The following SPAG5 variants were observed in gnomAD, a reference collection of about 807,000 sequenced individuals.
The protein encoded by SPAG5 is sperm-associated antigen 5.
Under a neutral mutation model 145.4 loss-of-function variants are expected in SPAG5, and 99 were observed. That is an observed-to-expected ratio of 0.68 (90% CI 0.58 to 0.80). The LOEUF is 0.80. Ranked by LOEUF, SPAG5 falls within the 30% of genes least tolerant of loss-of-function variation. SPAG5 has a pLI of 0.00. For missense variants in SPAG5, 1,192 were observed against 1,416.0 expected, an observed-to-expected ratio of 0.84 and a Z score of 2.54; for synonymous variants, 477 against 525.4, an observed-to-expected ratio of 0.91 and a Z score of 1.26.
intron 4 of SPAG5, among the ~76,000 whole-genome samples, chr17:28,591,358 C>T (rs1196855081): frequency 6.6e-6 from 1 of 152,216 alleles, no homozygotes; most frequent in African/African-American, 2.4e-5. Flanking sequence ...CAGCCTTAGC[C>T]TCCTGGGCTC....
chr17:28,590,649 T>A (rs1326818791), intron 4 of SPAG5, among the ~76,000 whole-genome samples: 1 of 151,698 alleles, frequency 6.6e-6, no homozygotes, highest in Non-Finnish European at 1.5e-5. Context: ...GGCAGGTGGA[T>A]CATGAGGGCA....
rs765695657 is a variant in SPAG5, at chr17:28,591,750, G to C, written c.1385C>G (p.Pro462Arg). The C allele has an allele frequency of 3.7e-6, 6 of 1,614,180 alleles. No homozygotes were observed. In the South Asian group the frequency reaches 6.6e-5, roughly 18 times the overall value. The change falls in exon 4 of 24, where the codon CCT (proline) becomes CGT (arginine). Residue 462 changes from proline (P) to arginine (R), a missense_variant. Coordinates refer to ENST00000321765, the MANE Select transcript of SPAG5 (RefSeq NM_006461.4). ...LRDWKSQLAV[P>R]HPETQDSSTQ... The stretch of plus-strand genomic sequence containing the variant: ...GCTACTGTCCTGGGTTTCTGGGTGA[G>C]GGACAGCCAGCTGGCTCTTCCAGTC...
rs746620718 is a variant in SPAG5, at chr17:28,578,457, C to T, written c.3270G>A (p.Gln1090=). The T allele has an allele frequency of 6.2e-7, 1 of 1,613,882 alleles. No homozygotes were observed. Among genetic ancestry groups the T allele is most frequent in the Non-Finnish European group, 8.5e-7 (1 of 1,180,016 alleles). ...AGTCCAGCTGGCCTGCCAGGGCCTC[C>T]TGGAGCACTTTGGTCTCTGTCTCCG... ...RRAETETKVL[Q]EALAGQLDSN... Residue 1090 remains glutamine, a synonymous_variant, in exon 21 of 24, where the codon CAG becomes CAA. Coordinates refer to ENST00000321765, the MANE Select transcript of SPAG5 (RefSeq NM_006461.4).
At chr17:28,598,756 C>A in intron 1 of SPAG5, 121 bp from the exon 2 acceptor site, 1 of 1,516,838 alleles carries the variant, frequency 6.6e-7, no homozygotes. Context: ...ACCCTAGTCG[C>A]GCAGGAGCAG....
intron 2 of SPAG5, 80 bp from the exon 3 acceptor site, chr17:28,593,146 C>A: frequency 6.6e-7 from 1 of 1,506,424 alleles, no homozygotes; most frequent in Non-Finnish European, 8.9e-7. Flanking sequence ...AGATAGTGCA[C>A]TCAAAAAAGA....
chr17:28,594,834 C>T (rs1278164346), intron 2 of SPAG5, among the ~76,000 whole-genome samples: 1 of 152,086 alleles, frequency 6.6e-6, no homozygotes, highest in Non-Finnish European at 1.5e-5. Flanking sequence ...ATGGCTCACA[C>T]CTGTAGTCCC....
At position 28,584,358 on chromosome 17, in the gene SPAG5, GGGTAAGCT is replaced by G; in HGVS notation, c.2276_2283del (p.Gln759ProfsTer4). 2 of 1,614,184 alleles carry G rather than the reference GGGTAAGCT, an allele frequency of 1.2e-6. No homozygotes were observed. The highest frequency in any genetic ancestry group is 1.7e-6 in the Non-Finnish European group (2 of 1,180,048). On this transcript the variant is annotated frameshift_variant, in exon 12 of 24. Coordinates refer to ENST00000321765, the MANE Select transcript of SPAG5 (RefSeq NM_006461.4). LOFTEE classifies it high-confidence loss of function. ...TGAGCAGCCTGCTCCTCATTGCTCT[GGGTAAGCT>G]GGCAGAGTAACTCATCCTTCATAGC...
chr17:28,584,214 G>T lies in SPAG5; in HGVS notation c.2348C>A (p.Ala783Glu), dbSNP rs755962398. The T allele has an allele frequency of 1.2e-6, 2 of 1,613,790 alleles. No homozygotes were observed. Among genetic ancestry groups the T allele is most frequent in the African/African-American group, 2.7e-5 (2 of 74,924 alleles). Residue 783 changes from alanine (A) to glutamate (E), a missense_variant, in exon 13 of 24, where the codon GCA becomes GAA. By Grantham distance (107) the Ala-to-Glu change is moderately radical. Coordinates refer to ENST00000321765, the MANE Select transcript of SPAG5 (RefSeq NM_006461.4). ...KEEMALKHMQ[A>E]ELQQQQAVLA... The stretch of plus-strand genomic sequence containing the variant: ...GACAGCTTGTTGCTGCTGCAGTTCT[G>T]CCTGCATGTGTTTTAGTGCCATCTC...
intron 2 of SPAG5, among the ~76,000 whole-genome samples, chr17:28,596,256 C>A (rs1294379575): frequency 6.6e-6 from 1 of 151,858 alleles, no homozygotes; most frequent in Non-Finnish European, 1.5e-5. Context: ...TGGGGAAAAA[C>A]CCTTTTCATT....
Position 28,579,179 on chromosome 17 carries a change from T to A in SPAG5, c.3079A>T (p.Ile1027Leu), listed in dbSNP as rs1411801896. Reference protein sequence around the residue: ...QEVQKAKEADIEKLNQALCLR... With the variant: ...QEVQKAKEADLEKLNQALCLR... ...CACAAGGCCTGGTTCAGCTTCTCTA[T>A]GTCTGCTTCTTTTGCCTTCTGGACT... Residue 1027 changes from isoleucine (I) to leucine (L), a missense_variant, in exon 19 of 24, where the codon ATA (isoleucine) becomes TTA (leucine). This residue lies in a region of SPAG5 where 709 missense variants were observed against 840.7 expected (regional missense o/e 0.84). Coordinates refer to ENST00000321765, the MANE Select transcript of SPAG5 (RefSeq NM_006461.4). 1 of 1,614,116 alleles carries A rather than the reference T, an allele frequency of 6.2e-7. No individual in the cohort carries two copies. Among genetic ancestry groups the A allele is most frequent in the Non-Finnish European group, 8.5e-7 (1 of 1,180,042 alleles).
At chr17:28,580,324 CCTAAACAAAA>C (rs2151519405) in intron 15 of SPAG5, 1 of 362,122 alleles carries the variant, frequency 2.8e-6, no homozygotes, top group East Asian at 4.1e-5. Context: ...TAAAAACAAA[CCTAAACAAAA>C]CAAAACAAAA....
In SPAG5 at chr17:28,592,213, G is replaced by A; in HGVS notation, c.1031C>T (p.Ala344Val). 1 of 1,614,140 alleles carries A rather than the reference G, an allele frequency of 6.2e-7. No individual in the cohort carries two copies. Among genetic ancestry groups the A allele is most frequent in the Middle Eastern group, 1.6e-4 (1 of 6,062 alleles). ...GGTATTTACACCTTTTTCCAGCCAGGCCAGTGGGGACATCCAAGACTCTGT... is the reference window on the plus strand; with the variant it reads ...GGTATTTACACCTTTTTCCAGCCAGACCAGTGGGGACATCCAAGACTCTGT... ...SDTESWMSPL[A>V]WLEKGVNTSV... Residue 344 changes from alanine to valine, a missense_variant, in exon 3 of 24, where the codon GCC (alanine) becomes GTC (valine). Ala to Val is a moderately conservative substitution (Grantham distance 64, BLOSUM62 0). Coordinates refer to ENST00000321765, the MANE Select transcript of SPAG5 (RefSeq NM_006461.4).
chr17:28,579,475 G>A lies in SPAG5; in HGVS notation c.2895C>T (p.Gly965=). The A allele has an allele frequency of 4.3e-6, 7 of 1,613,816 alleles. No individual in the cohort carries two copies. The highest frequency in any genetic ancestry group is 5.9e-6 in the Non-Finnish European group (7 of 1,179,886). The part of the protein sequence containing the change: ...MVSLQPAETP[G]MEESLAEMSI... ...TCATTTCTGCCAGGCTCTCCTCCATGCCTGGGGTCTCTGAAAGAGAAAGTC... is the reference window on the plus strand; with the variant it reads ...TCATTTCTGCCAGGCTCTCCTCCATACCTGGGGTCTCTGAAAGAGAAAGTC... The change falls in exon 18 of 24, where the codon GGC becomes GGT. Residue 965 remains glycine, a synonymous_variant. Transcript: ENST00000321765.
chr17:28,584,729 T>C lies in SPAG5; in HGVS notation c.2084A>G (p.Glu695Gly). The C allele has an allele frequency of 6.2e-7, 1 of 1,613,882 alleles. No homozygotes were observed. The change falls in exon 11 of 24, where the codon GAA becomes GGA. Residue 695 changes from glutamate (E) to glycine (G), a missense_variant. Physicochemically the swap from Glu to Gly is moderately conservative, Grantham distance 98. Around this residue, in one of 5 missense-constraint regions of SPAG5, gnomAD observed 709 missense variants for 840.7 expected, o/e 0.84. Coordinates refer to ENST00000321765, the MANE Select transcript of SPAG5 (RefSeq NM_006461.4). ...EEKQEVSRVL[E>G]QVSAQLEECK... ...CTCCTCTAACTGGGCAGAGACTTGT[T>C]CCAGCACCCTAGAAACCTAGGAAGA...
Position 28,598,590 on chromosome 17 carries a change from G to A in SPAG5, c.97C>T (p.Pro33Ser), listed in dbSNP as rs769243824. 2.5e-6 allele frequency: 4 copies of A among 1,613,006 alleles called. No homozygotes were observed. The East Asian group carries it at 8.9e-5, about 36-fold the overall frequency. Residue 33 changes from proline to serine, a missense_variant, in exon 2 of 24, where the codon CCC becomes TCC. Pro to Ser is a moderately conservative substitution (Grantham distance 74, BLOSUM62 -1). This residue lies in a region of SPAG5 where 329 missense variants were observed against 354.0 expected (regional missense o/e 0.93). Transcript: ENST00000321765. ...TTTCCAGAGTTGGTGAGGGCACCGG[G>A]CTGCAGGGTAAGTTCACGGAGAGGA... ...RTPLRELTLQ[P>S]GALTNSGKRS...
At chr17:28,582,393 C>A (rs1210099780) in intron 15 of SPAG5, among the ~76,000 whole-genome samples, 1 of 152,196 alleles carries the variant, frequency 6.6e-6, no homozygotes, top group Non-Finnish European at 1.5e-5. Context: ...ACACCGTTCC[C>A]TCTGCCTAGT....
Position 28,578,425 on chromosome 17 carries a change from C to G in SPAG5, c.3302G>C (p.Cys1101Ser). 6.2e-7 allele frequency: 1 copy of G among 1,614,158 alleles called. No individual in the cohort carries two copies. Among genetic ancestry groups the G allele is most frequent in the Non-Finnish European group, 8.5e-7 (1 of 1,180,042 alleles). ...GATCCAATTGGTGGCCATAGGCTGG[C>G]AGTTGGAGTCCAGCTGGCCTGCCAG... ...EALAGQLDSN[C>S]QPMATNWIQE... The change falls in exon 21 of 24, where the codon TGC (cysteine) becomes TCC (serine). Residue 1101 changes from cysteine to serine, a missense_variant. Physicochemically the swap from Cys to Ser is moderately radical, Grantham distance 112 (BLOSUM62 -1). Around this residue, in one of 5 missense-constraint regions of SPAG5, gnomAD observed 709 missense variants for 840.7 expected, o/e 0.84. Coordinates refer to ENST00000321765, the MANE Select transcript of SPAG5 (RefSeq NM_006461.4).
Position 28,585,660 on chromosome 17 carries a change from A to T in SPAG5, c.1741-7T>A. The T allele has an allele frequency of 6.2e-7, 1 of 1,613,336 alleles. No homozygotes were observed. The highest frequency in any genetic ancestry group is 1.3e-5 in the African/African-American group (1 of 74,994). ...CCTCCAACACTATCTCTGCCTATTG[A>T]GGGAAGTGGTTGCAAGGCCACAGTG... On this transcript the variant is annotated splice_polypyrimidine_tract_variant and splice_region_variant and intron_variant, in intron 7 of 23. Transcript: ENST00000321765.
At position 28,585,319 on chromosome 17, in the gene SPAG5, A is replaced by G; in HGVS notation, c.1953T>C (p.Asp651=). ...LQQDWRSMQL[D]YTTWTALLSR... The stretch of plus-strand genomic sequence containing the variant: ...AGTTATGATGGTCCCAAATACTCAC[A>G]TCCAGTTGCATGGACCTCCAGTCTT... The change falls in exon 9 of 24, where the codon GAT becomes GAC. Residue 651 remains aspartate, a splice_region_variant and synonymous_variant. Transcript: ENST00000321765. 6.2e-7 allele frequency: 1 copy of G among 1,613,932 alleles called. No homozygotes were observed. The highest frequency in any genetic ancestry group is 1.1e-5 in the South Asian group (1 of 91,074).
Sources: allele counts gnomAD v4.1 joint callset (sites outside exome capture counted in the v4.1 genomes callset), GRCh38; gene constraint gnomAD v4.1.1; regional missense constraint gnomAD v4.1.1; transcripts MANE v1.5; gene names NCBI Gene and HGNC (gene_info 2026-07-23, HGNC 2026-07-21).